Variants in ADAMTS3 observed in about 807,000 individuals in gnomAD.
ADAMTS3 encodes A disintegrin and metalloproteinase with thrombospondin motifs 3.
Under a neutral mutation model 129.0 loss-of-function variants are expected in ADAMTS3, and 73 were observed. The observed-to-expected ratio is 0.57, with a 90% CI of 0.47 to 0.69. The LOEUF is 0.69. Among genes scored for constraint, ADAMTS3 ranks in the 30% least tolerant of loss-of-function variants. The pLI, the probability that ADAMTS3 is intolerant of heterozygous loss-of-function variation, is 0.00. For synonymous variants in ADAMTS3, 477 were observed against 510.8 expected (o/e 0.93, Z 0.89); for missense variants, 1,457 against 1,514.5 (o/e 0.96, Z 0.63).
chr4:72,419,136 C>T (rs1722380822), intron 3 of ADAMTS3, among the ~76,000 whole-genome samples: 1 of 152,186 alleles, frequency 6.6e-6, no homozygotes, highest in Non-Finnish European at 1.5e-5. Flanking sequence ...TAGATCCTCT[C>T]TTAGCCAATT....
At chr4:72,365,715 A>T (rs1720853894) in intron 4 of ADAMTS3, among the ~76,000 whole-genome samples, 2 of 152,224 alleles carry the variant, frequency 1.3e-5, no homozygotes, top group Non-Finnish European at 2.9e-5. Flanking sequence ...ATGGTACTAA[A>T]AAATATTCAT....
intron 3 of ADAMTS3, among the ~76,000 whole-genome samples, chr4:72,508,868 T>G (rs1265720649): frequency 1.3e-5 from 2 of 152,058 alleles, no homozygotes; most frequent in Non-Finnish European, 1.5e-5. Flanking sequence ...ATAGACCATA[T>G]GTTAGGTCAA....
intron 4 of ADAMTS3, among the ~76,000 whole-genome samples, chr4:72,401,162 C>T (rs1721904468): frequency 6.6e-6 from 1 of 151,850 alleles, no homozygotes; most frequent in African/African-American, 2.4e-5. Context: ...AGAACACTTC[C>T]ATCATCACGT....
At chr4:72,389,242 A>ACAGGTAT (rs1342802586) in intron 4 of ADAMTS3, among the ~76,000 whole-genome samples, 30 of 152,186 alleles carry the variant, frequency 2.0e-4, no homozygotes, top group Admixed American at 2.0e-3. Flanking sequence ...TCTTTACCGC[A>ACAGGTAT]CAGGTATCCT....
At chr4:72,336,077 A>G (rs1215720277) in intron 5 of ADAMTS3, among the ~76,000 whole-genome samples, 1 of 152,174 alleles carries the variant, frequency 6.6e-6, no homozygotes. Context: ...AGAAACTATC[A>G]TCTCAGTTCT....
intron 4 of ADAMTS3, among the ~76,000 whole-genome samples, chr4:72,396,142 G>A (rs140749004): frequency 6.6e-6 from 1 of 152,114 alleles, no homozygotes; most frequent in African/African-American, 2.4e-5. Flanking sequence ...AAGAGGAAAG[G>A]ATAAAGAAGG....
intron 3 of ADAMTS3, among the ~76,000 whole-genome samples, chr4:72,487,758 T>C (rs1719629792): frequency 6.6e-6 from 1 of 152,062 alleles, no homozygotes; most frequent in Non-Finnish European, 1.5e-5. Context: ...ATGAACCTGG[T>C]ATATACAATT....
At chr4:72,466,694 T>G (rs1443651158) in intron 3 of ADAMTS3, among the ~76,000 whole-genome samples, 2 of 152,026 alleles carry the variant, frequency 1.3e-5, no homozygotes, top group Admixed American at 1.3e-4. Context: ...TAATCTAATG[T>G]TATTTGCCCA....
At chr4:72,347,242 C>T (rs1481267983) in intron 4 of ADAMTS3, among the ~76,000 whole-genome samples, 1 of 151,536 alleles carries the variant, frequency 6.6e-6, no homozygotes, top group African/African-American at 2.4e-5. Flanking sequence ...GTTTCACAAA[C>T]CAATAAACTA....
intron 4 of ADAMTS3, among the ~76,000 whole-genome samples, chr4:72,373,767 G>T (rs1721070597): frequency 6.6e-6 from 1 of 151,872 alleles, no homozygotes; most frequent in Admixed American, 6.6e-5. Flanking sequence ...AGGTGTGGTG[G>T]CACACACCTG....
At chr4:72,318,728 G>A (rs867443057) in intron 9 of ADAMTS3, 24 bp from the exon 10 acceptor site, 1 of 1,600,588 alleles carries the variant, frequency 6.2e-7, no homozygotes, top group African/African-American at 1.3e-5. Flanking sequence ...AATATTGCAT[G>A]TAGTTAAATG....
chr4:72,370,216 C>G (rs1019722098), intron 4 of ADAMTS3, among the ~76,000 whole-genome samples: 7 of 152,162 alleles, frequency 4.6e-5, no homozygotes, highest in African/African-American at 1.7e-4. Flanking sequence ...ATTTATGAGA[C>G]CTCTCCTCAT....
intron 5 of ADAMTS3, among the ~76,000 whole-genome samples, chr4:72,331,749 C>T (rs1299088483): frequency 6.6e-6 from 1 of 152,056 alleles, no homozygotes; most frequent in Admixed American, 6.6e-5. Context: ...TCCCCTTTTT[C>T]TAGCAGGAAA....
intron 2 of ADAMTS3, among the ~76,000 whole-genome samples, chr4:72,563,886 T>G (rs535695910): frequency 6.6e-6 from 1 of 152,172 alleles, no homozygotes; most frequent in Non-Finnish European, 1.5e-5. Flanking sequence ...ACAATTGGCA[T>G]CAAAACAAAG....
chr4:72,552,627 C>A (rs1171429504), intron 2 of ADAMTS3, among the ~76,000 whole-genome samples: 1 of 152,148 alleles, frequency 6.6e-6, no homozygotes, highest in Non-Finnish European at 1.5e-5. Context: ...TCTCCTCAAA[C>A]CCATCCCACT....
intron 2 of ADAMTS3, among the ~76,000 whole-genome samples, chr4:72,563,151 G>A (rs962953565): frequency 6.6e-6 from 1 of 152,100 alleles, no homozygotes; most frequent in African/African-American, 2.4e-5. Flanking sequence ...GAAAAGCAGT[G>A]AAAGCATGGC....
At chr4:72,403,565 A>C (rs1721977745) in intron 4 of ADAMTS3, among the ~76,000 whole-genome samples, 1 of 151,998 alleles carries the variant, frequency 6.6e-6, no homozygotes, top group Non-Finnish European at 1.5e-5. Context: ...TATGATGTCA[A>C]AGCTATATTT....
chr4:72,558,355 C>T (rs1167551442), intron 2 of ADAMTS3, among the ~76,000 whole-genome samples: 1 of 151,642 alleles, frequency 6.6e-6, no homozygotes, highest in African/African-American at 2.4e-5. Flanking sequence ...CCACCGACAT[C>T]GCCTGGCTTA....
chr4:72,396,623 A>G (rs1721731178), intron 4 of ADAMTS3, among the ~76,000 whole-genome samples: 1 of 152,194 alleles, frequency 6.6e-6, no homozygotes, highest in South Asian at 2.1e-4. Context: ...ACTACATCAG[A>G]GCAGGCATCA....
Sources: allele counts gnomAD v4.1 joint callset (sites outside exome capture counted in the v4.1 genomes callset), GRCh38; gene constraint gnomAD v4.1.1; transcripts MANE v1.5; gene names NCBI Gene and HGNC (gene_info 2026-07-23, HGNC 2026-07-21).